Variants in GPHN observed in about 807,000 individuals in gnomAD.
The protein encoded by GPHN is gephyrin.
Under a neutral mutation model 95.5 loss-of-function variants are expected in GPHN, and 17 were observed. The ratio of observed to expected loss-of-function variants is 0.18; its 90% CI spans 0.12 to 0.27. The LOEUF is 0.27. Ranked by LOEUF, GPHN falls within the 10% of genes least tolerant of loss-of-function variation. The pLI is 1.00. For synonymous variants in GPHN, 320 were observed against 322.5 expected (o/e 0.99, Z 0.08); for missense variants, 660 against 978.1 (o/e 0.67, Z 4.34).
At chr14:66,567,932 CAAA>C (rs1475345997) in intron 1 of GPHN, among the ~76,000 whole-genome samples, 3 of 151,904 alleles carry the variant, frequency 2.0e-5, no homozygotes, top group African/African-American at 7.3e-5. Context: ...GTAGCTAACT[CAAA>C]GAAAGGTAGG....
intron 1 of GPHN, among the ~76,000 whole-genome samples, chr14:66,600,317 A>G (rs915361379): frequency 2.6e-5 from 4 of 152,132 alleles, no homozygotes; most frequent in Non-Finnish European, 4.4e-5. Flanking sequence ...GCTATTAACA[A>G]TAAAATTGTA....
chr14:67,548,807 A>G, the GPHN span, among the ~76,000 whole-genome samples: 1 of 152,226 alleles, frequency 6.6e-6, no homozygotes, highest in Non-Finnish European at 1.5e-5. Flanking sequence ...AACCATGTGT[A>G]CTTTCGCTCT....
the GPHN span, among the ~76,000 whole-genome samples, chr14:67,481,140 A>G: frequency 6.6e-6 from 1 of 152,158 alleles, no homozygotes; most frequent in Non-Finnish European, 1.5e-5. Context: ...AAAAGAAAAA[A>G]AAGTAGGCTG....
At chr14:66,599,392 A>ATTTTTTTTTTTTTTTTTTTTTTT (rs765267813) in intron 1 of GPHN, among the ~76,000 whole-genome samples, 19 of 76,514 alleles carry the variant, frequency 2.5e-4, no homozygotes, top group East Asian at 1.6e-3. Context: ...TTTTTTTTGC[A>ATTTTTTTTTTTTTTTTTTTTTTT]TTTTTTTTTT....
intron 2 of GPHN, among the ~76,000 whole-genome samples, chr14:66,719,683 T>C (rs983319627): frequency 1.3e-5 from 2 of 152,294 alleles, no homozygotes; most frequent in Admixed American, 1.3e-4. Flanking sequence ...ATCTCCCTGC[T>C]GCACAAATTT....
chr14:67,291,309 A>G, the GPHN span, among the ~76,000 whole-genome samples: 4 of 149,078 alleles, frequency 2.7e-5, no homozygotes, highest in African/African-American at 5.0e-5. Flanking sequence ...GCTCACTGCA[A>G]CCTCCGCCTC....
At chr14:67,106,240 A>G (rs1302726721) in intron 13 of GPHN, among the ~76,000 whole-genome samples, 1 of 152,114 alleles carries the variant, frequency 6.6e-6, no homozygotes, top group African/African-American at 2.4e-5. Context: ...CCTGTCCTGT[A>G]AGGTTTCTGC....
the GPHN span, among the ~76,000 whole-genome samples, chr14:67,481,667 T>G: frequency 6.6e-6 from 1 of 152,214 alleles, no homozygotes; most frequent in Non-Finnish European, 1.5e-5. Flanking sequence ...GCACAGGAGC[T>G]GTGCTTAACT....
intron 17 of GPHN, chr14:67,143,095 T>G: frequency 2.5e-6 from 1 of 400,160 alleles, no homozygotes; most frequent in South Asian, 2.2e-5. Flanking sequence ...CATCTCATTG[T>G]CTCCTTTCAT....
the GPHN span, chr14:67,388,188 T>C: frequency 2.3e-5 from 32 of 1,399,328 alleles, no homozygotes; most frequent in Non-Finnish European, 5.1e-6. Flanking sequence ...GGGAGGCCCC[T>C]GAGATCTTCA....
the GPHN span, chr14:67,559,628 A>C: frequency 6.2e-7 from 1 of 1,601,268 alleles, no homozygotes; most frequent in Non-Finnish European, 8.5e-7. Context: ...GGGCAGAGGA[A>C]GCAAAAACTG....
the GPHN span, chr14:67,199,035 G>C: frequency 1.4e-6 from 1 of 728,754 alleles, no homozygotes. Flanking sequence ...CAAAAGGCAA[G>C]AAGAGGATGG....
the GPHN span, among the ~76,000 whole-genome samples, chr14:67,632,294 T>C: frequency 6.6e-6 from 1 of 152,218 alleles, no homozygotes; most frequent in African/African-American, 2.4e-5. Context: ...TATTCAAACA[T>C]AATGAAAGTA....
At chr14:66,757,259 A>T (rs556837436) in intron 2 of GPHN, among the ~76,000 whole-genome samples, 2 of 152,342 alleles carry the variant, frequency 1.3e-5, no homozygotes, top group South Asian at 4.1e-4. Context: ...CTTTTTCAAA[A>T]GTATATGTAA....
chr14:67,669,535 G>A, the GPHN span, among the ~76,000 whole-genome samples: 1 of 150,276 alleles, frequency 6.7e-6, no homozygotes, highest in South Asian at 2.1e-4. Context: ...CCAAAATGTT[G>A]GGATTACAGG....
At chr14:67,382,112 A>G in the GPHN span, among the ~76,000 whole-genome samples, 1 of 152,120 alleles carries the variant, frequency 6.6e-6, no homozygotes, top group African/African-American at 2.4e-5. Flanking sequence ...CCATCAGTTT[A>G]GTTCAGAGAC....
At chr14:67,637,694 A>G in the GPHN span, among the ~76,000 whole-genome samples, 1 of 152,204 alleles carries the variant, frequency 6.6e-6, no homozygotes, top group Non-Finnish European at 1.5e-5. Flanking sequence ...GGCTGGCATC[A>G]TGTATTTGTT....
At chr14:67,328,665 G>A in the GPHN span, among the ~76,000 whole-genome samples, 3 of 152,170 alleles carry the variant, frequency 2.0e-5, no homozygotes, top group African/African-American at 7.2e-5. Flanking sequence ...TAAGGTGTAA[G>A]GAAGGGATCC....
the GPHN span, among the ~76,000 whole-genome samples, chr14:67,348,322 G>T: frequency 6.6e-6 from 1 of 151,810 alleles, no homozygotes. Context: ...CGCCCACCTT[G>T]GCTTCCCAAA....
Sources: gnomAD v4.1 joint callset for allele counts (sites outside exome capture counted in the v4.1 genomes callset) on GRCh38, gnomAD v4.1.1 for gene constraint, MANE v1.5 for transcripts, NCBI Gene and HGNC (gene_info 2026-07-23, HGNC 2026-07-21) for gene names.